AFF1: variants seen among roughly 807,000 people sequenced by gnomAD.
AFF1 encodes ALF transcription elongation factor 1.
A neutral mutation model predicts 121.7 loss-of-function variants in AFF1; 48 were observed. That is an observed-to-expected ratio of 0.39 (90% CI 0.31 to 0.50). AFF1 has a LOEUF of 0.50. Among genes scored for constraint, AFF1 ranks in the 20% least tolerant of loss-of-function variants. The pLI is 0.76. For synonymous variants in AFF1, 613 were observed against 563.0 expected (o/e 1.09, Z -1.26); for missense variants, 1,523 against 1,511.7 (o/e 1.01, Z -0.12).
At position 86,993,055 on chromosome 4, in the gene AFF1, G is replaced by C. The variant is rs532121022; in HGVS notation, c.38+44484G>C. Among the ~76,000 whole-genome samples, 13 of 152,248 alleles carry C rather than the reference G, an allele frequency of 8.5e-5. 1 individual carries two copies. Among genetic ancestry groups the C allele is most frequent in the Admixed American group, 5.9e-4 (9 of 15,272 alleles). ...GATTTGATTTAGTTTTAATCTTCCT[G>C]TTTTACATGTGACCTAGGTAGGAAA... On this transcript the variant is annotated intron_variant, in intron 2 of 20. Transcript: ENST00000395146.
intron 2 of AFF1, among the ~76,000 whole-genome samples, chr4:86,953,528 C>T (rs1721524082): frequency 6.6e-6 from 1 of 152,124 alleles, no homozygotes; most frequent in South Asian, 2.1e-4. Context: ...TGTTTTAGTT[C>T]TTACAAATAA....
Position 87,126,319 on chromosome 4 carries a change from A to G in AFF1, c.2794A>G (p.Ser932Gly), listed in dbSNP as rs776321402. ...AAGAGTAGAGGGGAAGGGCTCCAGAAGCTCCTCGGAGCACAAGGTGAGCAG... is the reference window on the plus strand; with the variant it reads ...AAGAGTAGAGGGGAAGGGCTCCAGAGGCTCCTCGGAGCACAAGGTGAGCAG... Reference protein sequence around the residue: ...QRRVEGKGSRSSSEHKGSSGD... With the variant: ...QRRVEGKGSRGSSEHKGSSGD... Residue 932 changes from serine to glycine, a missense_variant, in exon 14 of 21, where the codon AGC (serine) becomes GGC (glycine). By Grantham distance (56) the Ser-to-Gly change is moderately conservative. Around this residue, in one of 5 missense-constraint regions of AFF1, gnomAD observed 905 missense variants for 842.5 expected, o/e 1.07. Transcript: ENST00000395146. 2.5e-6 allele frequency: 4 copies of G among 1,614,116 alleles called. No individual in the cohort carries two copies. In the South Asian group the frequency reaches 4.4e-5, roughly 18 times the overall value.
At chr4:86,958,535 A>G (rs1017707561) in intron 2 of AFF1, among the ~76,000 whole-genome samples, 7 of 149,292 alleles carry the variant, frequency 4.7e-5, no homozygotes, top group Non-Finnish European at 7.4e-5. Flanking sequence ...CCTGACCTAC[A>G]TGGTGAAACC....
chr4:87,130,267 C>T (rs1167955298), intron 16 of AFF1, among the ~76,000 whole-genome samples: 1 of 152,192 alleles, frequency 6.6e-6, no homozygotes, highest in Non-Finnish European at 1.5e-5. Flanking sequence ...GCCACCATGC[C>T]CGGCCCCTAT....
chr4:87,130,368 C>T (rs773557695), intron 16 of AFF1, among the ~76,000 whole-genome samples: 22 of 152,316 alleles, frequency 1.4e-4, no homozygotes, highest in Non-Finnish European at 2.9e-4. Flanking sequence ...GCAGTACATA[C>T]GCCACATGTA....
Position 87,140,349 on chromosome 4 carries a change from G to C in AFF1, c.*4648G>C, listed in dbSNP as rs1729620763. On this transcript the variant is annotated 3_prime_UTR_variant, in exon 21 of 21. Transcript: ENST00000395146. Reference sequence around the variant, plus strand: ...TACACTGTTCATGTTGGGGTTGTGTGTGTGTATGTGTGTATGTACGCACGC... The same window carrying C: ...TACACTGTTCATGTTGGGGTTGTGTCTGTGTATGTGTGTATGTACGCACGC... 1.0e-5 allele frequency: 2 copies of C among 196,718 alleles called. No individual in the cohort carries two copies. Among genetic ancestry groups the C allele is most frequent in the East Asian group, 1.6e-4 (2 of 12,672 alleles). The allele number at this position is 196,718 out of a possible 1,614,324, so 12.2% of individuals were successfully genotyped here. A position where few individuals can be genotyped will look rare whatever the true frequency, so the allele number is the denominator to read the frequency against.
intron 4 of AFF1, among the ~76,000 whole-genome samples, chr4:87,078,147 C>T (rs1722852377): frequency 6.6e-6 from 1 of 152,148 alleles, no homozygotes; most frequent in Admixed American, 6.5e-5. Context: ...AATCTTGTGG[C>T]TGTTTGCCAA....
intron 2 of AFF1, among the ~76,000 whole-genome samples, chr4:87,027,389 CAT>C (rs374211221): frequency 8.0e-4 from 122 of 152,346 alleles, no homozygotes; most frequent in Admixed American, 1.6e-3. Flanking sequence ...CTGATGAAAT[CAT>C]GTGTCTCACA....
At chr4:87,020,716 C>T (rs1727813123) in intron 2 of AFF1, 1 of 790,972 alleles carries the variant, frequency 1.3e-6, no homozygotes, top group Admixed American at 6.3e-5. Context: ...AGTCTCCTGA[C>T]CTCATGATCC....
At position 87,047,096 on chromosome 4, in the gene AFF1, A is replaced by T; in HGVS notation, c.561A>T (p.Arg187Ser). The T allele has an allele frequency of 6.2e-7, 1 of 1,614,174 alleles. No homozygotes were observed. The highest frequency in any genetic ancestry group is 8.5e-7 in the Non-Finnish European group (1 of 1,180,040). ...GSSHHKKGDR[R>S]ADGDHCASVT... is the part of the protein sequence containing the mutation. Reference sequence around the variant, plus strand: ...GTCATCACAAGAAAGGTGACCGAAGAGCTGACGGAGACCACTGTGCTTCGG... The same window carrying T: ...GTCATCACAAGAAAGGTGACCGAAGTGCTGACGGAGACCACTGTGCTTCGG... The change falls in exon 4 of 21, where the codon AGA (arginine) becomes AGT (serine). Residue 187 changes from arginine (R) to serine (S), a missense_variant. By Grantham distance (110) the Arg-to-Ser change is moderately radical. Transcript: ENST00000395146.
intron 2 of AFF1, 135 bp downstream of exon 2, chr4:86,948,706 GT>G (rs751486849): frequency 1.3e-4 from 107 of 828,384 alleles, no homozygotes; most frequent in Non-Finnish European, 1.9e-4. Flanking sequence ...GAAATTTTCA[GT>G]TTTCTCTACA....
At position 86,990,321 on chromosome 4, in the gene AFF1, T is replaced by TAA. The variant is rs5860049; in HGVS notation, c.38+41767_38+41768dup. ...AGTATAGTGAGACCTTGTCCCTATT[T>TAA]AAAAAAAAAAAAAAAAAAGACTGCC... On this transcript the variant is annotated intron_variant, in intron 2 of 20. Transcript: ENST00000395146. Among the ~76,000 whole-genome samples, 30 of 132,236 alleles carry TAA rather than the reference T, an allele frequency of 2.3e-4. 1 individual carries two copies. The highest frequency in any genetic ancestry group is 6.9e-4 in the African/African-American group (25 of 36,440). The allele number at this position is 132,236 out of a possible 152,430, so 86.8% of individuals were successfully genotyped here. A position where few individuals can be genotyped will look rare whatever the true frequency, so the allele number is the denominator to read the frequency against.
intron 12 of AFF1, among the ~76,000 whole-genome samples, chr4:87,118,321 ACTC>A (rs202057971): frequency 0.032 from 4,804 of 152,190 alleles, 109 homozygotes; most frequent in Middle Eastern, 0.088. Context: ...TTTTTTTACT[ACTC>A]TACAACAGTG....
chr4:86,957,423 T>C (rs1320464319), intron 2 of AFF1, among the ~76,000 whole-genome samples: 1 of 152,230 alleles, frequency 6.6e-6, no homozygotes, highest in African/African-American at 2.4e-5. Flanking sequence ...CTGTAAGGTA[T>C]TCATATCAGT....
At chr4:87,033,501 A>C (rs1729267041) in intron 2 of AFF1, among the ~76,000 whole-genome samples, 1 of 152,194 alleles carries the variant, frequency 6.6e-6, no homozygotes, top group Admixed American at 6.5e-5. Context: ...TATAGAATGT[A>C]CCTCATTCAG....
Position 87,141,014 on chromosome 4 carries a change from AAATT to A in AFF1, c.*5317_*5320del, listed in dbSNP as rs1282328894. The A allele has an allele frequency of 5.6e-6, 1 of 177,410 alleles. No homozygotes were observed. The highest frequency in any genetic ancestry group is 1.2e-5 in the Non-Finnish European group (1 of 82,274). The allele number at this position is 177,410 out of a possible 1,614,324, so 11.0% of individuals were successfully genotyped here. A position where few individuals can be genotyped will look rare whatever the true frequency, so the allele number is the denominator to read the frequency against. On this transcript the variant is annotated 3_prime_UTR_variant, in exon 21 of 21. Coordinates refer to ENST00000395146, the MANE Select transcript of AFF1 (RefSeq NM_001166693.3). ...AGGATCAAGCTGTAAAAAAACAAAA[AAATT>A]AATAAAAATTTCGAGAAATCATTGG...
At chr4:87,121,637 A>C (rs555982401) in intron 12 of AFF1, among the ~76,000 whole-genome samples, 2 of 152,390 alleles carry the variant, frequency 1.3e-5, no homozygotes, top group East Asian at 1.9e-4. Flanking sequence ...AAGCAAAATC[A>C]GCAGAAGGGG....
In AFF1 at chr4:87,124,951, C is replaced by T; in HGVS notation, c.2467-86C>T. ...AGATGTCTCCAAAGGTTCCTTTACCCTCTTTGCCTTTTCTATATTTTCTTT... is the reference window on the plus strand; with the variant it reads ...AGATGTCTCCAAAGGTTCCTTTACCTTCTTTGCCTTTTCTATATTTTCTTT... On this transcript the variant is annotated intron_variant, in intron 12 of 20. Coordinates refer to ENST00000395146, the MANE Select transcript of AFF1 (RefSeq NM_001166693.3). The T allele has an allele frequency of 6.0e-6, 7 of 1,174,436 alleles. No individual in the cohort carries two copies. In the South Asian group the frequency reaches 8.7e-5, roughly 15 times the overall value. 72.8% of individuals were successfully genotyped at this position (1,174,436 alleles called of 1,614,324 possible).
chr4:87,105,870 T>G, intron 10 of AFF1, 25 bp downstream of exon 10: 1 of 1,613,230 alleles, frequency 6.2e-7, no homozygotes, highest in South Asian at 1.1e-5. Flanking sequence ...TCTCCCCATC[T>G]GTACAGAATG....
Sources: allele counts gnomAD v4.1 joint callset (sites outside exome capture counted in the v4.1 genomes callset), GRCh38; gene constraint gnomAD v4.1.1; regional missense constraint gnomAD v4.1.1; transcripts MANE v1.5; gene names NCBI Gene and HGNC (gene_info 2026-07-23, HGNC 2026-07-21).